TTC6: variants seen among roughly 807,000 people sequenced by gnomAD.
TTC6 encodes the protein tetratricopeptide repeat protein 6.
TTC6 carries 172 observed loss-of-function variants against 210.4 expected under a neutral mutation model. That is an observed-to-expected ratio of 0.82 (90% CI 0.72 to 0.93). The LOEUF (loss-of-function observed/expected upper bound fraction) is 0.93, where lower values mean the gene tolerates loss of function less well. TTC6 is among the 40% of genes least tolerant of loss of function. The probability of loss-of-function intolerance (pLI) is 0.00; values close to 1 mark genes in which losing one functional copy is unlikely to be tolerated. For synonymous variants in TTC6, 804 were observed against 819.6 expected, an observed-to-expected ratio of 0.98 and a Z score of 0.32; for missense variants, 2,414 against 2,318.1, an observed-to-expected ratio of 1.04 and a Z score of -0.85.
At chr14:37,832,999 A>G (rs1037223389) in intron 29 of TTC6, among the ~76,000 whole-genome samples, 2 of 148,918 alleles carry the variant, frequency 1.3e-5, no homozygotes, top group Admixed American at 1.4e-4. Flanking sequence ...CGGAGGTTGC[A>G]GTGAGCTGAG....
At chr14:37,787,489 T>C in exon 15 of TTC6, 2 of 1,528,692 alleles carry the variant, frequency 1.3e-6, no homozygotes, top group Non-Finnish European at 1.8e-6. Flanking sequence ...GGATTGCATA[T>C]GTTAAATGGA....
chr14:37,664,506 A>T (rs1323111152), intron 1 of TTC6, among the ~76,000 whole-genome samples: 1 of 150,660 alleles, frequency 6.6e-6, no homozygotes, highest in African/African-American at 2.4e-5. Flanking sequence ...TTAACTCAAG[A>T]TGGATTAAAG....
At chr14:37,665,585 A>G (rs2095746376) in intron 1 of TTC6, among the ~76,000 whole-genome samples, 1 of 150,352 alleles carries the variant, frequency 6.7e-6, no homozygotes, top group Non-Finnish European at 1.5e-5. Context: ...CTGTGCAACG[A>G]ACCACCGTGG....
chr14:37,738,702 G>T (rs2095908829), intron 9 of TTC6, 74 bp from the exon 12 acceptor site: 12 of 1,192,006 alleles, frequency 1.0e-5, no homozygotes, highest in Admixed American at 3.3e-5. Context: ...AATTGTAACA[G>T]AATTAATTAA....
chr14:37,750,640 A>C (rs902059869), intron 12 of TTC6, among the ~76,000 whole-genome samples: 1 of 152,154 alleles, frequency 6.6e-6, no homozygotes, highest in East Asian at 1.9e-4. Context: ...TAATCCCAGC[A>C]CTTTGGGAGG....
chr14:37,765,201 G>T (rs1203137186), intron 14 of TTC6, among the ~76,000 whole-genome samples: 1 of 151,722 alleles, frequency 6.6e-6, no homozygotes, highest in Non-Finnish European at 1.5e-5. Flanking sequence ...CTCACTCTGT[G>T]CCCCAGGCTG....
At chr14:37,682,160 T>C (rs1218643866) in intron 2 of TTC6, among the ~76,000 whole-genome samples, 3 of 152,100 alleles carry the variant, frequency 2.0e-5, no homozygotes, top group Admixed American at 2.0e-4. Flanking sequence ...CACTAATTTT[T>C]TTTTTTTTGG....
intron 1 of TTC6, 81 bp from the exon 2 acceptor site, chr14:37,606,582 T>G (rs1321064665): frequency 8.2e-6 from 2 of 243,852 alleles, no homozygotes; most frequent in African/African-American, 4.6e-5. Flanking sequence ...TGTCAATACC[T>G]TCCTAATATT....
chr14:37,707,731 T>C (rs995263806), intron 5 of TTC6, among the ~76,000 whole-genome samples: 3 of 152,154 alleles, frequency 2.0e-5, no homozygotes, highest in African/African-American at 7.2e-5. Flanking sequence ...GTTTGGAGAC[T>C]GTCTTCACAG....
At position 37,605,293 on chromosome 14, in the gene TTC6, G is replaced by A. The variant is rs199643628; in HGVS notation, c.-234-1370G>A. Among the ~76,000 whole-genome samples, 15 of 152,316 alleles carry A rather than the reference G, an allele frequency of 9.8e-5. No individual in the cohort carries two copies. The East Asian group carries it at 2.9e-3, about 29-fold the overall frequency. On this transcript the variant is annotated intron_variant, in intron 1 of 2. Coordinates refer to the TTC6 transcript ENST00000556845. ...CATGAGAAATGTCCCACAAATTTTA[G>A]ACAACGAGTTTGGATGGGCTAAGAA...
chr14:37,694,497 A>T (rs1015689855), intron 3 of TTC6, among the ~76,000 whole-genome samples: 1 of 152,182 alleles, frequency 6.6e-6, no homozygotes, highest in Non-Finnish European at 1.5e-5. Flanking sequence ...TAGTACAACC[A>T]CTATGGCGAA....
chr14:37,777,636 C>T (rs11851121), intron 14 of TTC6, among the ~76,000 whole-genome samples: 6,431 of 152,172 alleles, frequency 0.042, 400 homozygotes, highest in African/African-American at 0.14. Context: ...AGAGCCATTG[C>T]TGCGGAGTGA....
At chr14:37,755,073 T>C (rs753287903) in intron 14 of TTC6, among the ~76,000 whole-genome samples, 2 of 152,216 alleles carry the variant, frequency 1.3e-5, no homozygotes, top group Non-Finnish European at 2.9e-5. Flanking sequence ...GCATCTGTTG[T>C]TACCTGACTT....
upstream of TTC6, among the ~76,000 whole-genome samples, chr14:37,618,761 G>C (rs959984171): frequency 2.0e-5 from 3 of 152,134 alleles, no homozygotes; most frequent in African/African-American, 7.2e-5. Context: ...TTTAATTTTA[G>C]ATAGAAAGAG....
exon 7 of TTC6, chr14:37,724,943 G>T (rs1566911635): frequency 2.6e-6 from 4 of 1,528,994 alleles, no homozygotes; most frequent in Non-Finnish European, 3.5e-6. Context: ...GAATACAGCT[G>T]CACCTAAATT....
At chr14:37,651,417 ATATATATATTTTTTTTTTTTT>A (rs1213600846) in intron 1 of TTC6, among the ~76,000 whole-genome samples, 12 of 20,266 alleles carry the variant, frequency 5.9e-4, no homozygotes, top group Non-Finnish European at 8.7e-4. Flanking sequence ...ATATATATAT[ATATATATATTTTTTTTTTTTT>A]TTTTTTTTTT....
chr14:37,636,001 GA>G (rs950634838), intron 1 of TTC6, among the ~76,000 whole-genome samples: 7 of 101,810 alleles, frequency 6.9e-5, no homozygotes, highest in Admixed American at 2.0e-4. Context: ...AAAAAAAAAA[GA>G]AAAAAAAAAG....
At chr14:37,738,969 A>G in exon 10 of TTC6, 1 of 1,535,462 alleles carries the variant, frequency 6.5e-7, no homozygotes, top group Non-Finnish European at 8.7e-7. Flanking sequence ...GACATCTTTG[A>G]TAACATGTGC....
At chr14:37,796,334 A>C (rs2096092682) in exon 19 of TTC6, 1 of 1,289,440 alleles carries the variant, frequency 7.8e-7, no homozygotes, top group Admixed American at 2.0e-5. Flanking sequence ...TGATCTTGCA[A>C]AGTTTACTAT....
Sources: gnomAD v4.1 joint callset for allele counts (sites outside exome capture counted in the v4.1 genomes callset) on GRCh38, gnomAD v4.1.1 for gene constraint, MANE v1.5 for transcripts, NCBI Gene and HGNC (gene_info 2026-07-23, HGNC 2026-07-21) for gene names.